VCL: variants seen among roughly 807,000 people sequenced by gnomAD.
The protein encoded by VCL is vinculin, also known as epididymis luminal protein 114.
VCL carries 47 observed loss-of-function variants against 125.7 expected under a neutral mutation model. The observed-to-expected ratio is 0.37, with a 90% CI of 0.30 to 0.48. The LOEUF is 0.48. Among genes scored for constraint, VCL ranks in the 20% least tolerant of loss-of-function variants. VCL has a pLI of 0.99. For missense variants in VCL, 1,069 were observed against 1,455.5 expected, an observed-to-expected ratio of 0.73 and a Z score of 4.32; for synonymous variants, 458 against 514.6, an observed-to-expected ratio of 0.89 and a Z score of 1.49.
In VCL at chr10:74,072,870, T is replaced by C. The variant is rs1218431325; in HGVS notation, c.622+18T>C. On this transcript the variant is annotated intron_variant, in intron 5 of 21. Coordinates refer to ENST00000211998, the MANE Select transcript of VCL (RefSeq NM_014000.3). ...CATTTCAGGTACTTCCTGCCTGTAC[T>C]TTATTTTATAGGGGGGAAAAATGTT... 3 of 1,613,942 alleles carry C rather than the reference T, an allele frequency of 1.9e-6. No individual in the cohort carries two copies. Among genetic ancestry groups the C allele is most frequent in the Admixed American group, 1.7e-5 (1 of 59,998 alleles).
intron 2 of VCL, among the ~76,000 whole-genome samples, chr10:74,059,561 C>G (rs1214925760): frequency 1.3e-5 from 2 of 152,056 alleles, no homozygotes; most frequent in East Asian, 3.9e-4. Context: ...TGTGCCACCA[C>G]GCTTGGCTAA....
intron 2 of VCL, among the ~76,000 whole-genome samples, chr10:74,062,090 G>C (rs1222045980): frequency 6.6e-6 from 1 of 150,760 alleles, no homozygotes; most frequent in African/African-American, 2.4e-5. Context: ...TTTGAGATGG[G>C]GTCTTACTCT....
At chr10:74,033,859 G>T (rs1271445883) in intron 1 of VCL, among the ~76,000 whole-genome samples, 2 of 152,072 alleles carry the variant, frequency 1.3e-5, no homozygotes, top group African/African-American at 4.8e-5. Context: ...GCCAGGGGCT[G>T]GGAGCCATCC....
chr10:74,042,688 G>A (rs535065631), intron 1 of VCL, among the ~76,000 whole-genome samples: 202 of 151,988 alleles, frequency 1.3e-3, no homozygotes, highest in African/African-American at 4.4e-3. Flanking sequence ...CAATAACTTC[G>A]TTTTTTTCTG....
chr10:74,074,667 T>G, intron 5 of VCL, 76 bp from the exon 6 acceptor site: 1 of 1,545,556 alleles, frequency 6.5e-7, no homozygotes, highest in Non-Finnish European at 8.8e-7. Context: ...ATCTAAAGTG[T>G]AGAACATCTT....
intron 1 of VCL, among the ~76,000 whole-genome samples, chr10:74,001,120 G>A (rs1156484792): frequency 3.3e-5 from 5 of 152,140 alleles, no homozygotes; most frequent in Admixed American, 3.3e-4. Context: ...AGAGCAGGAG[G>A]GGAAGGAGGA....
At chr10:74,001,182 T>G (rs1307837500) in intron 1 of VCL, among the ~76,000 whole-genome samples, 1 of 152,154 alleles carries the variant, frequency 6.6e-6, no homozygotes, top group Admixed American at 6.5e-5. Context: ...GAGAATAGTA[T>G]AGTGTGTTTT....
intron 8 of VCL, among the ~76,000 whole-genome samples, chr10:74,084,584 G>A (rs1312398316): frequency 6.6e-6 from 1 of 151,786 alleles, no homozygotes; most frequent in Non-Finnish European, 1.5e-5. Context: ...ACCATGACCT[G>A]CCAAATTTTT....
At chr10:74,051,544 A>T (rs1841300100) in intron 2 of VCL, among the ~76,000 whole-genome samples, 1 of 152,196 alleles carries the variant, frequency 6.6e-6, no homozygotes, top group Non-Finnish European at 1.5e-5. Flanking sequence ...AGATGAAGAG[A>T]AGCTCAGTAA....
chr10:74,018,929 C>T (rs4746166), intron 1 of VCL, among the ~76,000 whole-genome samples: 28,126 of 152,060 alleles, frequency 0.18, 2,714 homozygotes, highest in South Asian at 0.22. Context: ...ACCTGTTATA[C>T]TGTCTTGTCC....
intron 2 of VCL, among the ~76,000 whole-genome samples, chr10:74,058,250 A>G (rs1242823727): frequency 6.6e-6 from 1 of 152,114 alleles, no homozygotes; most frequent in African/African-American, 2.4e-5. Context: ...TCATGTTCTC[A>G]CTTCCTTCCC....
intron 1 of VCL, among the ~76,000 whole-genome samples, chr10:74,029,117 ATTT>A (rs547013797): frequency 3.6e-5 from 5 of 137,428 alleles, no homozygotes; most frequent in Admixed American, 7.3e-5. Context: ...ATACAGAAGA[ATTT>A]TTTTTTTTTT....
At chr10:74,023,202 C>CTATA (rs1840705416) in intron 1 of VCL, among the ~76,000 whole-genome samples, 1 of 152,070 alleles carries the variant, frequency 6.6e-6, no homozygotes, top group Non-Finnish European at 1.5e-5. Context: ...ATGATGGTAC[C>CTATA]ATAAGATAAT....
At chr10:74,027,881 T>A (rs563028754) in intron 1 of VCL, 8 of 152,198 alleles carry the variant, frequency 5.3e-5, no homozygotes, top group African/African-American at 1.9e-4. Context: ...CCAGTCACCA[T>A]GTGTCATGGC....
At position 74,017,046 on chromosome 10, in the gene VCL, C is replaced by CTT. The variant is rs549275362; in HGVS notation, c.168+18689_168+18690dup. ...TGTAGCATATGTCAGAATTTCCTTC[C>CTT]TTTTTTTTTTTTTTTTTTTGAGACG... On this transcript the variant is annotated intron_variant, in intron 1 of 21. Coordinates refer to ENST00000211998, the MANE Select transcript of VCL (RefSeq NM_014000.3). Among the ~76,000 whole-genome samples, 96 of 113,140 alleles carry CTT rather than the reference C, an allele frequency of 8.5e-4. 7 individuals carry two copies. The highest frequency in any genetic ancestry group is 3.3e-3 in the African/African-American group (79 of 24,286). The allele number at this position is 113,140 out of a possible 152,430, so 74.2% of individuals were successfully genotyped here.
chr10:74,063,241 G>A (rs976327583), intron 2 of VCL, among the ~76,000 whole-genome samples: 11 of 152,138 alleles, frequency 7.2e-5, no homozygotes, highest in South Asian at 4.1e-4. Flanking sequence ...CATTATTGGC[G>A]GTATTTTCAT....
chr10:74,044,987 T>C (rs559004398), intron 2 of VCL, among the ~76,000 whole-genome samples: 2 of 152,018 alleles, frequency 1.3e-5, no homozygotes, highest in African/African-American at 4.8e-5. Flanking sequence ...GAGACCAGCC[T>C]GGGCAACATG....
At chr10:74,080,804 CT>C (rs1839662793) in intron 6 of VCL, among the ~76,000 whole-genome samples, 3 of 152,178 alleles carry the variant, frequency 2.0e-5, no homozygotes, top group Admixed American at 2.0e-4. Flanking sequence ...ATCCTGAAGG[CT>C]ACCCAGTTCT....
At chr10:74,050,564 T>C (rs1841281199) in intron 2 of VCL, among the ~76,000 whole-genome samples, 1 of 152,240 alleles carries the variant, frequency 6.6e-6, no homozygotes, top group Non-Finnish European at 1.5e-5. Flanking sequence ...TGTAGCTTTT[T>C]CTTTGCTTGT....
Sources: gnomAD v4.1 joint callset for allele counts (sites outside exome capture counted in the v4.1 genomes callset) on GRCh38, gnomAD v4.1.1 for gene constraint, MANE v1.5 for transcripts, NCBI Gene and HGNC (gene_info 2026-07-23, HGNC 2026-07-21) for gene names.